The following NDRG2 variants were observed in gnomAD, a reference collection of about 807,000 sequenced individuals.
The protein encoded by NDRG2 is NDRG family member 2.
A neutral mutation model predicts 58.2 loss-of-function variants in NDRG2; 34 were observed. The observed-to-expected ratio is 0.58, with a 90% confidence interval of 0.44 to 0.78. NDRG2 has a LOEUF of 0.78. Among genes scored for constraint, NDRG2 ranks in the 30% least tolerant of loss-of-function variants. The probability of loss-of-function intolerance (pLI) is 0.00; values close to 1 mark genes in which losing one functional copy is unlikely to be tolerated. For synonymous variants in NDRG2, 187 were observed against 175.9 expected (o/e 1.06, Z -0.50); for missense variants, 434 against 471.2 (o/e 0.92, Z 0.73).
chr14:21,070,120 G>A lies in NDRG2; in HGVS notation c.24+708C>T, dbSNP rs1038820421. On this transcript the variant is annotated intron_variant, in intron 1 of 14. Transcript: ENST00000403829. The surrounding 1 kb of genome is among the most constrained non-coding windows in gnomAD (Gnocchi z 4.7). The stretch of plus-strand genomic sequence containing the variant: ...GGGACGGATAGGCTGGGGACGCCCG[G>A]GGAACGGCAGAGATCTCGGCGCGGG... 9.6e-6 allele frequency: 2 copies of A among 207,516 alleles called. No homozygotes were observed. Among genetic ancestry groups the A allele is most frequent in the African/African-American group, 2.3e-5 (1 of 42,804 alleles). 12.9% of individuals were successfully genotyped at this position (207,516 alleles called of 1,614,324 possible).
At chr14:21,044,698 A>G (rs1885065949) in intron 1 of NDRG2, among the ~76,000 whole-genome samples, 1 of 152,162 alleles carries the variant, frequency 6.6e-6, no homozygotes, top group Non-Finnish European at 1.5e-5. Context: ...GGTCTCTCCA[A>G]CATTGCTTGA....
chr14:21,032,114 C>A (rs1471901460), intron 1 of NDRG2: 1 of 1,598,174 alleles, frequency 6.3e-7, no homozygotes, highest in Admixed American at 1.7e-5. Context: ...CCCCCTGACC[C>A]TGCATGTTTA....
intron 12 of NDRG2, 27 bp from the exon 13 acceptor site, chr14:21,018,531 T>C (rs1354955277): frequency 3.7e-6 from 6 of 1,612,636 alleles, no homozygotes; most frequent in Non-Finnish European, 5.1e-6. Context: ...GCTGAATGAA[T>C]GAGGTCACGC....
intron 1 of NDRG2, chr14:21,031,014 C>T (rs1167727843): frequency 2.5e-6 from 4 of 1,605,746 alleles, no homozygotes; most frequent in Non-Finnish European, 3.4e-6. Flanking sequence ...CTGACCAGGG[C>T]CAAGAACGCC....
intron 2 of NDRG2, 101 bp downstream of exon 2, chr14:21,023,140 T>G: frequency 9.6e-7 from 1 of 1,036,366 alleles, no homozygotes. Flanking sequence ...GAAGCAGTGG[T>G]GTGAGTTAGA....
intron 1 of NDRG2, among the ~76,000 whole-genome samples, chr14:21,057,473 C>G (rs1885725548): frequency 6.6e-6 from 1 of 151,652 alleles, no homozygotes. Context: ...TTTGTGATTT[C>G]TCACAGTCTC....
intron 1 of NDRG2, chr14:21,036,211 G>C (rs936901223): frequency 4.4e-6 from 2 of 456,056 alleles, no homozygotes; most frequent in African/African-American, 4.0e-5. Flanking sequence ...CGTCTCGCCT[G>C]GACAGCACAC....
chr14:21,025,216 A>G (rs1388206607), upstream of NDRG2: 1 of 855,976 alleles, frequency 1.2e-6, no homozygotes, highest in African/African-American at 1.8e-5. The surrounding 1 kb of genome is among the most constrained non-coding windows in gnomAD (Gnocchi z 5.1). Context: ...CCGCTCAGGA[A>G]AGGGTTGTGC....
At chr14:21,046,668 C>T (rs1396106065) in intron 1 of NDRG2, among the ~76,000 whole-genome samples, 1 of 152,050 alleles carries the variant, frequency 6.6e-6, no homozygotes, top group Non-Finnish European at 1.5e-5. Flanking sequence ...GTCGAAAATC[C>T]AAGTATAACC....
At chr14:21,025,677 C>T (rs1055766283), upstream of NDRG2, 24 of 985,322 alleles carry the variant, frequency 2.4e-5, no homozygotes, top group Admixed American at 6.1e-5. The surrounding 1 kb of genome is among the most constrained non-coding windows in gnomAD (Gnocchi z 5.1). Flanking sequence ...GTCCTGGTAC[C>T]TCTCCTCTCT....
At position 21,024,012 on chromosome 14, in the gene NDRG2, C is replaced by T. The variant is rs1227867269; in HGVS notation, c.-7+18G>A. 4 of 985,690 alleles carry T rather than the reference C, an allele frequency of 4.1e-6. No individual in the cohort carries two copies. The highest frequency in any genetic ancestry group is 4.8e-6 in the Non-Finnish European group (4 of 830,124). The allele number at this position is 985,690 out of a possible 1,614,324, so 61.1% of individuals were successfully genotyped here. ...TGCACAGGAAGGAGCCTGCAGCCTG[C>T]GGGGTGGGGTCACTTACTGGGCTCC... On this transcript the variant is annotated intron_variant, in intron 1 of 15. Coordinates refer to ENST00000556147, the MANE Select transcript of NDRG2 (RefSeq NM_001320329.2).
At position 21,070,482 on chromosome 14, in the gene NDRG2, TCCC is replaced by T. The variant is rs1886647209; in HGVS notation, c.24+343_24+345del. The T allele has an allele frequency of 1.5e-6, 2 of 1,343,074 alleles. No homozygotes were observed. The highest frequency in any genetic ancestry group is 3.9e-5 in the South Asian group (2 of 51,724). 83.2% of individuals were successfully genotyped at this position (1,343,074 alleles called of 1,614,324 possible). On this transcript the variant is annotated intron_variant, in intron 1 of 14. Coordinates refer to the NDRG2 transcript ENST00000403829. The surrounding 1 kb of genome is among the most constrained non-coding windows in gnomAD (Gnocchi z 4.7). ...GCCCCCAAGTCCTCAGCCTGGTGCCTCCCGAGCCTGCCTCGGACTGTTCGGCCC... is the reference window on the plus strand; with the variant it reads ...GCCCCCAAGTCCTCAGCCTGGTGCCTGAGCCTGCCTCGGACTGTTCGGCCC...
At chr14:21,058,032 C>G in intron 1 of NDRG2, 1 of 1,614,108 alleles carries the variant, frequency 6.2e-7, no homozygotes, top group Non-Finnish European at 8.5e-7. Context: ...CAGCCCAGCC[C>G]TCAAGCATGC....
chr14:21,033,694 G>T (rs775077439), intron 1 of NDRG2: 4 of 734,764 alleles, frequency 5.4e-6, no homozygotes. Context: ...GCACCCACCT[G>T]GTCTCTTGGG....
At chr14:21,057,910 A>C in intron 1 of NDRG2, 5 of 1,613,944 alleles carry the variant, frequency 3.1e-6, no homozygotes, top group Non-Finnish European at 4.2e-6. Context: ...CGGCCAGAGC[A>C]GGATGCTGCC....
intron 1 of NDRG2, among the ~76,000 whole-genome samples, chr14:21,042,611 C>CA (rs777353694): frequency 1.3e-5 from 2 of 150,854 alleles, no homozygotes; most frequent in South Asian, 2.1e-4. Context: ...GGGATGGAGG[C>CA]AAAAAATGAA....
At chr14:21,052,614 T>A (rs1055935631) in intron 1 of NDRG2, among the ~76,000 whole-genome samples, 5 of 152,068 alleles carry the variant, frequency 3.3e-5, no homozygotes, top group African/African-American at 1.2e-4. Context: ...GGAGGGAAGA[T>A]AGGGAGGCCA....
intron 3 of NDRG2, 113 bp from the exon 4 acceptor site, chr14:21,022,610 A>C: frequency 2.6e-6 from 2 of 768,866 alleles, no homozygotes; most frequent in South Asian, 1.8e-5. Context: ...AAGGGAACAA[A>C]GAATTAAAAA....
In NDRG2 at chr14:21,023,423, A is replaced by G. The variant is rs772454168; in HGVS notation, c.-6-102T>C. The G allele has an allele frequency of 4.7e-6, 5 of 1,065,934 alleles. No homozygotes were observed. In the African/African-American group the frequency reaches 7.9e-5, roughly 17 times the overall value. The allele number at this position is 1,065,934 out of a possible 1,614,324, so 66.0% of individuals were successfully genotyped here. On this transcript the variant is annotated intron_variant, in intron 1 of 15. Transcript: ENST00000556147. ...CAGCACAGGAAGATGCAGGGAACAG[A>G]GGGACCCAGGGGTTGAAGACTACTC...
Sources: gnomAD v4.1 joint callset for allele counts (sites outside exome capture counted in the v4.1 genomes callset) on GRCh38, gnomAD v4.1.1 for gene constraint, Gnocchi (gnomAD v3.1) non-coding constraint, MANE v1.5 for transcripts, NCBI Gene and HGNC (gene_info 2026-07-23, HGNC 2026-07-21) for gene names.